Variants in ULK4 observed in about 807,000 individuals in gnomAD.
ULK4 encodes inactive serine/threonine-protein kinase ULK4.
Under a neutral mutation model 160.6 loss-of-function variants are expected in ULK4, and 133 were observed. The observed-to-expected ratio is 0.83, with a 90% CI of 0.72 to 0.96. ULK4 has a LOEUF of 0.96. ULK4 is among the 40% of genes least tolerant of loss of function. The pLI is 0.00. For synonymous variants in ULK4, 534 were observed against 539.8 expected (o/e 0.99, Z 0.15); for missense variants, 1,580 against 1,499.5 (o/e 1.05, Z -0.89).
chr3:41,360,608 C>T (rs1575467126), intron 35 of ULK4, among the ~76,000 whole-genome samples: 1 of 152,144 alleles, frequency 6.6e-6, no homozygotes, highest in African/African-American at 2.4e-5. Flanking sequence ...AGATCAAGTC[C>T]TTTGCAGGGA....
chr3:41,519,150 A>T (rs1575345939), intron 32 of ULK4, among the ~76,000 whole-genome samples: 1 of 152,278 alleles, frequency 6.6e-6, no homozygotes, highest in East Asian at 1.9e-4. Flanking sequence ...CCTCTACAAA[A>T]TTCAATCTTC....
At chr3:41,526,092 G>A (rs2086106917) in intron 32 of ULK4, among the ~76,000 whole-genome samples, 1 of 152,084 alleles carries the variant, frequency 6.6e-6, no homozygotes, top group Non-Finnish European at 1.5e-5. Flanking sequence ...CTCCTTCTCT[G>A]TCTCACACTT....
intron 35 of ULK4, among the ~76,000 whole-genome samples, chr3:41,278,815 GTA>G (rs1243897750): frequency 6.6e-6 from 1 of 152,078 alleles, no homozygotes; most frequent in Non-Finnish European, 1.5e-5. Context: ...AAGACCAAAG[GTA>G]GATAAAACCA....
At chr3:41,614,102 A>T (rs2032839083) in intron 31 of ULK4, among the ~76,000 whole-genome samples, 1 of 152,212 alleles carries the variant, frequency 6.6e-6, no homozygotes, top group South Asian at 2.1e-4. Flanking sequence ...ACCAAAAGGA[A>T]TTTTTTATGT....
At chr3:41,906,999 AG>A (rs1698591207) in intron 12 of ULK4, among the ~76,000 whole-genome samples, 1 of 152,250 alleles carries the variant, frequency 6.6e-6, no homozygotes, top group South Asian at 2.1e-4. Context: ...CCAAAAAAAA[AG>A]AAAGAAAACA....
At chr3:41,907,734 T>C (rs1698622578) in intron 12 of ULK4, 111 bp downstream of exon 12, 1 of 600,642 alleles carries the variant, frequency 1.7e-6, no homozygotes, top group African/African-American at 1.9e-5. Context: ...TCAGCAAAGA[T>C]GACCTTATTG....
intron 22 of ULK4, among the ~76,000 whole-genome samples, chr3:41,743,614 A>G (rs1009398845): frequency 6.6e-6 from 1 of 152,000 alleles, no homozygotes; most frequent in Non-Finnish European, 1.5e-5. Context: ...AGCAAAAAAT[A>G]TAACACCATC....
chr3:41,958,831 A>G (rs1700572989), intron 1 of ULK4, among the ~76,000 whole-genome samples: 1 of 152,220 alleles, frequency 6.6e-6, no homozygotes, highest in South Asian at 2.1e-4. Context: ...TAGATTTTAC[A>G]GACCTTATGG....
chr3:41,444,618 G>A (rs2083253728), intron 34 of ULK4, among the ~76,000 whole-genome samples: 1 of 151,996 alleles, frequency 6.6e-6, no homozygotes, highest in South Asian at 2.1e-4. Context: ...TTTCCTCATT[G>A]ATGCACATAA....
chr3:41,594,071 G>A (rs1250737895), intron 31 of ULK4, among the ~76,000 whole-genome samples: 1 of 151,936 alleles, frequency 6.6e-6, no homozygotes, highest in Non-Finnish European at 1.5e-5. Flanking sequence ...AGAGGGGAGG[G>A]AAAGGGAAAG....
rs192598400 is a variant in ULK4, at chr3:41,289,169, T to C, written c.3679-39595A>G. On this transcript the variant is annotated intron_variant, in intron 35 of 36. Transcript: ENST00000301831. ...TATTTGAATTGGTTTGTTTTGTTTG[T>C]TTTTTATGCTACTGTTATGGCAATT... Among the ~76,000 whole-genome samples the C allele has an allele frequency of 9.7e-4, 148 of 152,380 alleles. 1 individual carries two copies. The highest frequency in any genetic ancestry group is 3.5e-3 in the African/African-American group (146 of 41,598).
intron 32 of ULK4, among the ~76,000 whole-genome samples, chr3:41,528,884 T>C (rs1195432696): frequency 6.6e-6 from 1 of 152,144 alleles, no homozygotes; most frequent in Non-Finnish European, 1.5e-5. Context: ...AGTACTGGGC[T>C]TAATACCTGG....
chr3:41,930,143 T>C (rs930012606), intron 5 of ULK4, among the ~76,000 whole-genome samples: 1 of 151,998 alleles, frequency 6.6e-6, no homozygotes, highest in African/African-American at 2.4e-5. Context: ...AACAGATATA[T>C]AGATCAATGG....
chr3:41,268,603 C>T (rs556501658), intron 35 of ULK4, among the ~76,000 whole-genome samples: 7 of 151,964 alleles, frequency 4.6e-5, no homozygotes, highest in African/African-American at 1.5e-4. Context: ...GTCAGGAGTT[C>T]GAGACCAGTC....
rs147954067 is a variant in ULK4, at chr3:41,813,651, A to G, written c.1848+5772T>C. Among the ~76,000 whole-genome samples the G allele has an allele frequency of 9.7e-4, 148 of 152,346 alleles. 1 individual carries two copies. The highest frequency in any genetic ancestry group is 3.7e-3 in the Admixed American group (57 of 15,298). On this transcript the variant is annotated intron_variant, in intron 19 of 36. Transcript: ENST00000301831. ...GTTAAATCTCTTGGATTTTAATAAG[A>G]GCTAAAATGTACAGTTATATTTTCT...
intron 22 of ULK4, among the ~76,000 whole-genome samples, chr3:41,735,996 C>G (rs2038030623): frequency 6.6e-6 from 1 of 151,548 alleles, no homozygotes; most frequent in Admixed American, 6.6e-5. Flanking sequence ...CCAGCTTCAT[C>G]CATGTCCCTA....
intron 35 of ULK4, among the ~76,000 whole-genome samples, chr3:41,252,855 C>G (rs1242299757): frequency 6.6e-6 from 1 of 151,864 alleles, no homozygotes; most frequent in Non-Finnish European, 1.5e-5. Flanking sequence ...TAACCAAATC[C>G]ATCAAAATCA....
intron 33 of ULK4, among the ~76,000 whole-genome samples, chr3:41,456,524 C>T (rs2083557685): frequency 6.6e-6 from 1 of 152,172 alleles, no homozygotes; most frequent in Non-Finnish European, 1.5e-5. Context: ...AATGTTTAGA[C>T]TTAAATGGCA....
intron 35 of ULK4, among the ~76,000 whole-genome samples, chr3:41,272,536 T>C (rs1213674373): frequency 6.6e-6 from 1 of 151,914 alleles, no homozygotes; most frequent in Non-Finnish European, 1.5e-5. Flanking sequence ...AAAGATTTTC[T>C]CTTTACTACT....
Sources: allele counts gnomAD v4.1 joint callset (sites outside exome capture counted in the v4.1 genomes callset), GRCh38; gene constraint gnomAD v4.1.1; transcripts MANE v1.5; gene names NCBI Gene and HGNC (gene_info 2026-07-23, HGNC 2026-07-21).